COPB2: variants seen among roughly 807,000 people sequenced by gnomAD.
COPB2 encodes the protein coatomer subunit beta'.
COPB2 carries 16 observed loss-of-function variants against 120.8 expected under a neutral mutation model. That is an observed-to-expected ratio of 0.13 (90% CI 0.09 to 0.20). COPB2 has a LOEUF of 0.20. Among genes scored for constraint, COPB2 ranks in the 10% least tolerant of loss-of-function variants. COPB2 has a pLI of 1.00. For synonymous variants in COPB2, 332 were observed against 366.3 expected, an observed-to-expected ratio of 0.91 and a Z score of 1.07; for missense variants, 794 against 1,076.5, an observed-to-expected ratio of 0.74 and a Z score of 3.67.
At chr3:139,360,386 C>T (rs181825964) in intron 17 of COPB2, among the ~76,000 whole-genome samples, 2 of 151,758 alleles carry the variant, frequency 1.3e-5, no homozygotes, top group East Asian at 1.9e-4. Flanking sequence ...GGTGTGGTGG[C>T]GCATGCCTGT....
At chr3:139,366,923 GA>G in intron 14 of COPB2, 91 bp downstream of exon 14, 1 of 1,513,270 alleles carries the variant, frequency 6.6e-7, no homozygotes, top group Non-Finnish European at 9.0e-7. Context: ...CTATAACACT[GA>G]AAAATCAGCC....
intron 2 of COPB2, chr3:139,379,773 T>A: frequency 3.5e-6 from 1 of 285,492 alleles, no homozygotes; most frequent in Non-Finnish European, 6.6e-6. Flanking sequence ...CAGCCTCACC[T>A]CTGCTCTTGT....
In COPB2 at chr3:139,367,010, G is replaced by C; in HGVS notation, c.1676+5C>G. Reference sequence around the variant, plus strand: ...TAGGACAAATGCAAAATGATACTCAGGTACCTGTCCAAGTGGGCAATGGTG... The same window carrying C: ...TAGGACAAATGCAAAATGATACTCACGTACCTGTCCAAGTGGGCAATGGTG... On this transcript the variant is annotated splice_donor_5th_base_variant and intron_variant, in intron 14 of 21. Coordinates refer to ENST00000333188, the MANE Select transcript of COPB2 (RefSeq NM_004766.3). 1 of 1,606,028 alleles carries C rather than the reference G, an allele frequency of 6.2e-7. No homozygotes were observed. Among genetic ancestry groups the C allele is most frequent in the Non-Finnish European group, 8.5e-7 (1 of 1,177,440 alleles).
chr3:139,368,736 C>G (rs751465367), intron 12 of COPB2, among the ~76,000 whole-genome samples: 4 of 152,022 alleles, frequency 2.6e-5, no homozygotes, highest in African/African-American at 9.7e-5. Flanking sequence ...AAAGAGTAAG[C>G]CCCCAAGTCA....
At chr3:139,372,964 A>G (rs1941646531) in intron 9 of COPB2, among the ~76,000 whole-genome samples, 1 of 152,196 alleles carries the variant, frequency 6.6e-6, no homozygotes, top group South Asian at 2.1e-4. Context: ...AAATAACAGG[A>G]AACTACTATT....
intron 5 of COPB2, among the ~76,000 whole-genome samples, chr3:139,377,758 T>C (rs753040718): frequency 3.3e-4 from 50 of 152,350 alleles, no homozygotes; most frequent in Non-Finnish European, 6.5e-4. Context: ...TAAAAAGATA[T>C]TGGCATTTTT....
chr3:139,377,791 T>TA (rs986668230), intron 5 of COPB2, among the ~76,000 whole-genome samples: 1 of 152,214 alleles, frequency 6.6e-6, no homozygotes, highest in Non-Finnish European at 1.5e-5. Flanking sequence ...TTCCAAAGGC[T>TA]AAAAAATTTT....
chr3:139,382,921 TTGGGCATC>T (rs1941840070), intron 2 of COPB2: 1 of 224,688 alleles, frequency 4.5e-6, no homozygotes, highest in Admixed American at 5.6e-5. Context: ...TATCATTATA[TTGGGCATC>T]TGGGAGAAAA....
At chr3:139,364,067 C>G (rs1374608805) in intron 15 of COPB2, among the ~76,000 whole-genome samples, 2 of 151,838 alleles carry the variant, frequency 1.3e-5, no homozygotes, top group Non-Finnish European at 1.5e-5. Context: ...GGCATAAGCT[C>G]CCAACGACAC....
chr3:139,384,352 C>T (rs965754614), intron 1 of COPB2, among the ~76,000 whole-genome samples: 19 of 152,230 alleles, frequency 1.2e-4, no homozygotes, highest in Non-Finnish European at 5.9e-5. Context: ...ACTAATTTCA[C>T]CACCTACTTC....
chr3:139,385,521 G>A (rs1268731022), intron 1 of COPB2: 1 of 152,182 alleles, frequency 6.6e-6, no homozygotes, highest in East Asian at 1.9e-4. Flanking sequence ...GTAACATAAT[G>A]TGTGATCAAT....
chr3:139,367,728 C>A (rs1039410622), intron 13 of COPB2, among the ~76,000 whole-genome samples: 6 of 152,032 alleles, frequency 3.9e-5, no homozygotes, highest in Non-Finnish European at 7.4e-5. Context: ...GGGTCAAAAT[C>A]ATGATATAAA....
chr3:139,364,622 A>C (rs1483629457), intron 15 of COPB2, among the ~76,000 whole-genome samples: 2 of 152,234 alleles, frequency 1.3e-5, no homozygotes, highest in Admixed American at 6.5e-5. Context: ...GCTACATGTC[A>C]GCAGGAACAG....
At chr3:139,374,898 C>A (rs1284409847) in intron 6 of COPB2, among the ~76,000 whole-genome samples, 1 of 152,202 alleles carries the variant, frequency 6.6e-6, no homozygotes, top group African/African-American at 2.4e-5. Flanking sequence ...AAAACTCACA[C>A]CTACCATCAC....
rs866892808 is a variant in COPB2, at chr3:139,374,641, C to A, written c.652-53G>T. The A allele has an allele frequency of 1.0e-5, 15 of 1,462,800 alleles. No homozygotes were observed. In the Middle Eastern group the frequency reaches 7.0e-4, roughly 68 times the overall value. The allele number at this position is 1,462,800 out of a possible 1,614,324, so 90.6% of individuals were successfully genotyped here. A position where few individuals can be genotyped will look rare whatever the true frequency, so the allele number is the denominator to read the frequency against. ...TTATTAATGAAAAACATGTAACCAG[C>A]CCGCCCTTAATTTTCTCAGTGTACA... On this transcript the variant is annotated intron_variant, in intron 6 of 21. Transcript: ENST00000333188.
rs912619984 is a variant in COPB2 at position 139,381,753 on chromosome 3, A to G, written c.141+1545T>C. 3.3e-5 allele frequency: 5 copies of G among 152,372 alleles called. No homozygotes were observed. In the East Asian group the frequency reaches 9.6e-4, roughly 29 times the overall value. The allele number at this position is 152,372 out of a possible 1,614,324, so 9.4% of individuals were successfully genotyped here. A position where few individuals can be genotyped will look rare whatever the true frequency, so the allele number is the denominator to read the frequency against. ...GATAAGAAAAGTACGCCTGGGCTTT[A>G]GAACATACGATGATCAAGTGATAGA... On this transcript the variant is annotated intron_variant, in intron 2 of 21. Transcript: ENST00000333188.
rs149804606 is a variant in COPB2 at position 139,367,348 on chromosome 3, G to A, written c.1546-203C>T. Among the ~76,000 whole-genome samples the A allele has an allele frequency of 2.2e-3, 330 of 149,940 alleles. 1 individual carries two copies. Among genetic ancestry groups the A allele is most frequent in the African/African-American group, 7.8e-3 (318 of 40,586 alleles). ...GTTGCCCAGGCTGTAGTACAGTGGC[G>A]TAACCTCTGCTCACTGCCAACTTCT... On this transcript the variant is annotated intron_variant, in intron 13 of 21. Coordinates refer to ENST00000333188, the MANE Select transcript of COPB2 (RefSeq NM_004766.3).
chr3:139,358,702 A>G, intron 20 of COPB2, 42 bp downstream of exon 20: 1 of 1,381,444 alleles, frequency 7.2e-7, no homozygotes, highest in Non-Finnish European at 1.0e-6. Context: ...AAAAAAAGTG[A>G]ACCATCTCAG....
chr3:139,379,443 T>C lies in COPB2; in HGVS notation c.165A>G (p.Val55=). 6.2e-7 allele frequency: 1 copy of C among 1,614,094 alleles called. No individual in the cohort carries two copies. The part of the protein sequence containing the change: ...ETQTLVKTFE[V]CDLPVRAAKF... Reference sequence around the variant, plus strand: ...TTGCAGCTCGAACAGGAAGATCACATACTTCAAATGTCTTCACCAGTGTCT... The same window carrying C: ...TTGCAGCTCGAACAGGAAGATCACACACTTCAAATGTCTTCACCAGTGTCT... The change falls in exon 3 of 22, where the codon GTA becomes GTG. Residue 55 remains valine, a synonymous_variant. Transcript: ENST00000333188.
Sources: gnomAD v4.1 joint callset for allele counts (sites outside exome capture counted in the v4.1 genomes callset) on GRCh38, gnomAD v4.1.1 for gene constraint, MANE v1.5 for transcripts, NCBI Gene and HGNC (gene_info 2026-07-23, HGNC 2026-07-21) for gene names.